SATB2: variants seen among roughly 807,000 people sequenced by gnomAD.
SATB2 encodes DNA-binding protein SATB2.
SATB2 carries 1 observed loss-of-function variant against 73.4 expected under a neutral mutation model. The ratio of observed to expected loss-of-function variants is 0.01; its 90% CI spans 0.00 to 0.06. SATB2 has a LOEUF of 0.06. Ranked by LOEUF, SATB2 falls within the 10% of genes least tolerant of loss-of-function variation. The pLI, the probability that SATB2 is intolerant of heterozygous loss-of-function variation, is 1.00. For synonymous variants in SATB2, 397 were observed against 367.0 expected (o/e 1.08, Z -0.93); for missense variants, 459 against 945.8 (o/e 0.49, Z 6.75).
Position 199,464,140 on chromosome 2 carries a change from A to G in SATB2, c.-141+696T>C, listed in dbSNP as rs1335208781. Reference sequence around the variant, plus strand: ...CCTCGCCTGTTTTCTCGGTATCACGAATCCCCTCGGACACCGTTTCAGTCC... The same window carrying G: ...CCTCGCCTGTTTTCTCGGTATCACGGATCCCCTCGGACACCGTTTCAGTCC... On this transcript the variant is annotated intron_variant, in intron 1 of 11. Coordinates refer to the SATB2 transcript ENST00000260926. The surrounding 1 kb of genome is among the most constrained non-coding windows in gnomAD (Gnocchi z 6.6). 6.6e-6 allele frequency among the ~76,000 whole-genome samples: 1 copy of G among 152,110 alleles called. No homozygotes were observed.
chr2:199,469,090 C>T (rs1191855426), upstream of SATB2, among the ~76,000 whole-genome samples: 2 of 152,246 alleles, frequency 1.3e-5, no homozygotes, highest in Non-Finnish European at 1.5e-5. Flanking sequence ...AGAAAGGGCC[C>T]ACATCTCGAG....
intron 6 of SATB2, among the ~76,000 whole-genome samples, chr2:199,365,412 A>C (rs1213708760): frequency 2.0e-5 from 3 of 152,120 alleles, no homozygotes; most frequent in African/African-American, 7.2e-5. Context: ...TTAGACCTTG[A>C]AACCAGAGTA....
At chr2:199,282,755 A>C (rs1001881441) in intron 10 of SATB2, among the ~76,000 whole-genome samples, 3 of 152,094 alleles carry the variant, frequency 2.0e-5, no homozygotes, top group South Asian at 2.1e-4. Context: ...AAAAGCAACA[A>C]ATTCAGAAAC....
upstream of SATB2, among the ~76,000 whole-genome samples, chr2:199,462,685 G>A (rs939798903): frequency 1.3e-5 from 2 of 152,172 alleles, no homozygotes; most frequent in Non-Finnish European, 2.9e-5. The surrounding 1 kb of genome is among the most constrained non-coding windows in gnomAD (Gnocchi z 5.9). Context: ...GAGAGGGAAG[G>A]AAGCCGTCGG....
In SATB2 at chr2:199,381,759, G is replaced by A. The variant is rs756417252; in HGVS notation, c.408C>T (p.Asp136=). The A allele has an allele frequency of 9.0e-5, 145 of 1,613,966 alleles. No individual in the cohort carries two copies. The highest frequency in any genetic ancestry group is 1.1e-4 in the Non-Finnish European group (134 of 1,179,970). Reference sequence around the variant, plus strand: ...CTTGTAGCATGTCGGCCACTGTCGCGTCGGGTGCATCTGTCACATAACTGA... The same window carrying A: ...CTTGTAGCATGTCGGCCACTGTCGCATCGGGTGCATCTGTCACATAACTGA... The part of the protein sequence containing the change: ...LPLSYVTDAP[D]ATVADMLQDV... Residue 136 remains aspartate (D), a synonymous_variant, in exon 4 of 11, where the codon GAC becomes GAT. Coordinates refer to ENST00000417098, the MANE Select transcript of SATB2 (RefSeq NM_001172509.2).
upstream of SATB2, chr2:199,467,482 G>T (rs1692616838): frequency 6.6e-6 from 1 of 152,272 alleles, no homozygotes. Context: ...GACAAGTGGA[G>T]TGTAAAATTT....
intron 10 of SATB2, among the ~76,000 whole-genome samples, chr2:199,294,358 C>T (rs1374207668): frequency 6.6e-6 from 1 of 152,120 alleles, no homozygotes; most frequent in Non-Finnish European, 1.5e-5. Context: ...TTCTTCTCTC[C>T]TGGTAAATCA....
chr2:199,425,167 T>C (rs1054104814), intron 3 of SATB2, among the ~76,000 whole-genome samples: 3 of 152,216 alleles, frequency 2.0e-5, no homozygotes, highest in Non-Finnish European at 2.9e-5. Context: ...TTGAAACTCC[T>C]AGAAGTTATA....
intron 2 of SATB2, among the ~76,000 whole-genome samples, chr2:199,440,344 C>A (rs1691779608): frequency 1.3e-5 from 2 of 152,214 alleles, no homozygotes; most frequent in Non-Finnish European, 2.9e-5. Context: ...CCTACTCCCC[C>A]CAGGGGCTGA....
At chr2:199,445,586 T>C (rs1375876780) in intron 2 of SATB2, among the ~76,000 whole-genome samples, 1 of 152,202 alleles carries the variant, frequency 6.6e-6, no homozygotes, top group African/African-American at 2.4e-5. Flanking sequence ...ACTTGCCATA[T>C]GAAAGAGGCT....
In SATB2 at chr2:199,361,103, C is replaced by T. The variant is rs1187946468; in HGVS notation, c.700+7502G>A. 1.1e-4 allele frequency among the ~76,000 whole-genome samples: 16 copies of T among 152,048 alleles called. 1 individual carries two copies. Among genetic ancestry groups the T allele is most frequent in the Admixed American group, 9.8e-4 (15 of 15,252 alleles). ...ATTTGGTACCATTTCAATTGTCATC[C>T]AAAAAAGTGCTCAAAAATTTATTCT... On this transcript the variant is annotated intron_variant, in intron 6 of 10. Coordinates refer to ENST00000417098, the MANE Select transcript of SATB2 (RefSeq NM_001172509.2).
intron 7 of SATB2, chr2:199,347,672 A>G (rs1441403181): frequency 2.6e-5 from 4 of 152,178 alleles, no homozygotes; most frequent in Admixed American, 2.6e-4. Context: ...TCCTGGAAGT[A>G]TTCCTCACCT....
At chr2:199,458,730 G>C (rs928051508), upstream of SATB2, 1 of 427,250 alleles carries the variant, frequency 2.3e-6, no homozygotes, top group Non-Finnish European at 4.7e-6. Context: ...CGACTTTGGA[G>C]ATAGGAGGGC....
At chr2:199,289,547 A>G (rs1263616156) in intron 10 of SATB2, among the ~76,000 whole-genome samples, 1 of 152,160 alleles carries the variant, frequency 6.6e-6, no homozygotes, top group Non-Finnish European at 1.5e-5. Flanking sequence ...GGCTTTTCTG[A>G]GCATATTTGC....
chr2:199,396,400 C>G (rs575082908), intron 3 of SATB2: 1 of 152,092 alleles, frequency 6.6e-6, no homozygotes, highest in South Asian at 2.1e-4. Flanking sequence ...AGTGGATATC[C>G]TTATATAAAC....
At chr2:199,297,531 T>C (rs1222179041) in intron 10 of SATB2, among the ~76,000 whole-genome samples, 3 of 152,214 alleles carry the variant, frequency 2.0e-5, no homozygotes, top group Non-Finnish European at 4.4e-5. Flanking sequence ...CATATCCTAA[T>C]TCATCTTCTG....
chr2:199,389,298 C>A (rs1310156723), intron 3 of SATB2, among the ~76,000 whole-genome samples: 1 of 152,120 alleles, frequency 6.6e-6, no homozygotes, highest in Non-Finnish European at 1.5e-5. Context: ...CTCTTCTACA[C>A]CTTCTGCTTT....
intron 4 of SATB2, among the ~76,000 whole-genome samples, chr2:199,381,344 T>G (rs1689768309): frequency 6.6e-6 from 1 of 152,200 alleles, no homozygotes; most frequent in Non-Finnish European, 1.5e-5. Context: ...GTGTTTATTC[T>G]TCAAATACTA....
intron 3 of SATB2, among the ~76,000 whole-genome samples, chr2:199,402,848 A>G (rs535864741): frequency 5.7e-4 from 87 of 152,344 alleles, no homozygotes; most frequent in Non-Finnish European, 1.0e-3. Flanking sequence ...CAGATCTAAC[A>G]GTCTTGTCAT....
Sources: allele counts gnomAD v4.1 joint callset (sites outside exome capture counted in the v4.1 genomes callset), GRCh38; gene constraint gnomAD v4.1.1; non-coding constraint Gnocchi (gnomAD v3.1); transcripts MANE v1.5; gene names NCBI Gene and HGNC (gene_info 2026-07-23, HGNC 2026-07-21).